Variants in DLG2 observed in about 807,000 individuals in gnomAD.
DLG2 encodes disks large homolog 2.
Under a neutral mutation model 132.5 loss-of-function variants are expected in DLG2, and 45 were observed. That is an observed-to-expected ratio of 0.34 (90% confidence interval 0.27 to 0.44). The LOEUF (loss-of-function observed/expected upper bound fraction) is 0.44, where lower values mean the gene tolerates loss of function less well. Ranked by LOEUF, DLG2 falls within the 20% of genes least tolerant of loss-of-function variation. The probability of loss-of-function intolerance (pLI) is 1.00; values close to 1 mark genes in which losing one functional copy is unlikely to be tolerated. For synonymous variants in DLG2, 424 were observed against 419.6 expected (o/e 1.01, Z -0.13); for missense variants, 1,045 against 1,196.9 (o/e 0.87, Z 1.87).
rs2082048221 is a variant in DLG2, at chr11:85,626,709, T to G, written c.-215A>C. ...TTGAGGCCAAGAGCCAGGTAACTGT[T>G]GCAAACCACTTCAGTGTTCAGTTTT... is the stretch of plus-strand genomic sequence containing the variant. On this transcript the variant is annotated 5_prime_UTR_variant, in exon 2 of 28. Coordinates refer to ENST00000376104, the MANE Select transcript of DLG2 (RefSeq NM_001142699.3). The G allele has an allele frequency of 6.6e-6, 1 of 152,194 alleles. No individual in the cohort carries two copies. Among genetic ancestry groups the G allele is most frequent in the African/African-American group, 2.4e-5 (1 of 41,442 alleles). 9.4% of individuals were successfully genotyped at this position (152,194 alleles called of 1,614,324 possible). A position where few individuals can be genotyped will look rare whatever the true frequency, so the allele number is the denominator to read the frequency against.
At chr11:85,297,931 T>C (rs999323826) in intron 3 of DLG2, among the ~76,000 whole-genome samples, 4 of 152,078 alleles carry the variant, frequency 2.6e-5, no homozygotes, top group East Asian at 1.9e-4. Flanking sequence ...CTACATAATG[T>C]CTGAGCATGG....
Position 84,714,647 on chromosome 11 carries a change from T to TTTC in DLG2, c.358-179917_358-179916insGAA, listed in dbSNP as rs2060984125. On this transcript the variant is annotated intron_variant, in intron 6 of 27. Coordinates refer to ENST00000376104, the MANE Select transcript of DLG2 (RefSeq NM_001142699.3). Reference sequence around the variant, plus strand: ...TTTCTCTCTCTCTCTCTCTCTCTCTTTCTCTCTCTCTCTCTCTCTCTCTCT... The same window carrying TTTC: ...TTTCTCTCTCTCTCTCTCTCTCTCTTTTCTCTCTCTCTCTCTCTCTCTCTCTCT... Among the ~76,000 whole-genome samples the TTTC allele has an allele frequency of 3.6e-3, 326 of 90,290 alleles. 12 individuals carry two copies. Among genetic ancestry groups the TTTC allele is most frequent in the African/African-American group, 0.016 (260 of 16,558 alleles). The allele number at this position is 90,290 out of a possible 152,430, so 59.2% of individuals were successfully genotyped here.
chr11:84,908,174 T>C (rs1361775760), intron 6 of DLG2, among the ~76,000 whole-genome samples: 1 of 152,180 alleles, frequency 6.6e-6, no homozygotes, highest in Non-Finnish European at 1.5e-5. Flanking sequence ...TATGTAATTT[T>C]AAATTTTCTA....
chr11:84,688,254 T>C (rs2099739798), intron 6 of DLG2, among the ~76,000 whole-genome samples: 1 of 152,158 alleles, frequency 6.6e-6, no homozygotes, highest in Non-Finnish European at 1.5e-5. Context: ...CTATTGGTAG[T>C]CTCTTGAACT....
intron 6 of DLG2, among the ~76,000 whole-genome samples, chr11:85,062,749 T>G (rs2064301722): frequency 1.3e-5 from 2 of 151,842 alleles, no homozygotes; most frequent in South Asian, 4.2e-4. Flanking sequence ...AAGAGGCAGA[T>G]CTGAAACTAA....
intron 8 of DLG2, among the ~76,000 whole-genome samples, chr11:84,195,498 T>C (rs2096499016): frequency 6.6e-6 from 1 of 152,090 alleles, no homozygotes; most frequent in East Asian, 1.9e-4. Context: ...CCAATATTTC[T>C]CTGCCTCTCC....
At chr11:84,708,084 A>T (rs1006284218) in intron 6 of DLG2, among the ~76,000 whole-genome samples, 3 of 151,780 alleles carry the variant, frequency 2.0e-5, no homozygotes, top group African/African-American at 7.2e-5. Context: ...ATTTGGGGCC[A>T]TCTAGTCTAG....
At chr11:84,894,969 C>T (rs192320900) in intron 6 of DLG2, among the ~76,000 whole-genome samples, 2 of 152,312 alleles carry the variant, frequency 1.3e-5, no homozygotes, top group Non-Finnish European at 1.5e-5. Context: ...CTGTCTCACT[C>T]ATACTTGAAT....
intron 6 of DLG2, chr11:84,546,787 C>A: frequency 4.0e-6 from 1 of 252,752 alleles, no homozygotes; most frequent in Non-Finnish European, 8.1e-6. Flanking sequence ...AACCTCAACC[C>A]TCCAATGAAG....
At chr11:85,179,266 A>G (rs1191090622) in intron 4 of DLG2, among the ~76,000 whole-genome samples, 1 of 151,922 alleles carries the variant, frequency 6.6e-6, no homozygotes, top group East Asian at 1.9e-4. Context: ...AAGCATACAA[A>G]TATTAAGATA....
At chr11:84,896,449 C>T (rs1010186310) in intron 6 of DLG2, among the ~76,000 whole-genome samples, 2 of 152,032 alleles carry the variant, frequency 1.3e-5, no homozygotes, top group Non-Finnish European at 2.9e-5. Context: ...CTGGGAAAAT[C>T]TAACACATCT....
chr11:85,425,490 T>TAC (rs1251471380), intron 3 of DLG2, among the ~76,000 whole-genome samples: 3 of 152,140 alleles, frequency 2.0e-5, no homozygotes, highest in Non-Finnish European at 4.4e-5. Flanking sequence ...GTAAAAGTGG[T>TAC]ACACTCATAC....
At chr11:85,172,902 A>T (rs1033622537) in intron 4 of DLG2, among the ~76,000 whole-genome samples, 1 of 152,146 alleles carries the variant, frequency 6.6e-6, no homozygotes, top group African/African-American at 2.4e-5. Flanking sequence ...CTGAAATAAG[A>T]CAGGCAAAAA....
chr11:85,319,779 T>G (rs950724543), intron 3 of DLG2, among the ~76,000 whole-genome samples: 1 of 151,836 alleles, frequency 6.6e-6, no homozygotes, highest in African/African-American at 2.4e-5. Flanking sequence ...GCTCTCTAAT[T>G]CTTAAGGAGA....
intron 18 of DLG2, among the ~76,000 whole-genome samples, chr11:83,696,772 A>G (rs1269383035): frequency 1.3e-5 from 2 of 152,232 alleles, no homozygotes. Flanking sequence ...GTAAGGAAAC[A>G]GAGAAATAGG....
At chr11:84,430,796 C>G (rs927731015) in intron 7 of DLG2, among the ~76,000 whole-genome samples, 5 of 152,316 alleles carry the variant, frequency 3.3e-5, no homozygotes, top group South Asian at 2.1e-4. Context: ...GATTCACCTT[C>G]CAGGTGACAG....
chr11:85,293,975 C>T (rs1409901290), intron 3 of DLG2, among the ~76,000 whole-genome samples: 1 of 152,026 alleles, frequency 6.6e-6, no homozygotes, highest in Non-Finnish European at 1.5e-5. Context: ...GGCATGGTGG[C>T]TAATACCTGT....
intron 5 of DLG2, among the ~76,000 whole-genome samples, chr11:85,152,035 T>C (rs1053620175): frequency 1.3e-5 from 2 of 152,120 alleles, no homozygotes; most frequent in Non-Finnish European, 2.9e-5. Flanking sequence ...CCCTTCTAAA[T>C]ATCAGAAAGA....
chr11:83,937,720 T>C lies in DLG2; in HGVS notation c.1341-7237A>G, dbSNP rs528588048. Among the ~76,000 whole-genome samples, 24 of 152,160 alleles carry C rather than the reference T, an allele frequency of 1.6e-4. No individual in the cohort carries two copies. The South Asian group carries it at 1.7e-3, about 11-fold the overall frequency. On this transcript the variant is annotated intron_variant, in intron 14 of 27. Coordinates refer to ENST00000376104, the MANE Select transcript of DLG2 (RefSeq NM_001142699.3). ...TACAAATGACAAATACACACACACA[T>C]ATAAATAACCTCACTAGGAATAAAA...
Sources: allele counts gnomAD v4.1 joint callset (sites outside exome capture counted in the v4.1 genomes callset), GRCh38; gene constraint gnomAD v4.1.1; transcripts MANE v1.5; gene names NCBI Gene and HGNC (gene_info 2026-07-23, HGNC 2026-07-21).